KCNC1: variants seen among roughly 807,000 people sequenced by gnomAD.
KCNC1 encodes voltage-gated potassium channel KCNC1.
In KCNC1, 8 loss-of-function variants were observed where a neutral mutation model predicts 43.4. The observed-to-expected ratio is 0.18, with a 90% CI of 0.11 to 0.33. The LOEUF is 0.33. Ranked by LOEUF, KCNC1 falls within the 10% of genes least tolerant of loss-of-function variation. The probability of loss-of-function intolerance (pLI) is 1.00; values close to 1 mark genes in which losing one functional copy is unlikely to be tolerated. For missense variants in KCNC1, 420 were observed against 836.0 expected, an observed-to-expected ratio of 0.50 and a Z score of 6.14; for synonymous variants, 361 against 360.5, an observed-to-expected ratio of 1.00 and a Z score of -0.01.
Position 17,782,190 on chromosome 11 carries a change from T to C in KCNC1, c.*456T>C, listed in dbSNP as rs930762254. 1 of 154,386 alleles carries C rather than the reference T, an allele frequency of 6.5e-6. No homozygotes were observed. Among genetic ancestry groups the C allele is most frequent in the Non-Finnish European group, 1.4e-5 (1 of 70,118 alleles). The allele number at this position is 154,386 out of a possible 1,614,324, so 9.6% of individuals were successfully genotyped here. On this transcript the variant is annotated 3_prime_UTR_variant, in exon 4 of 4. Coordinates refer to ENST00000265969, the MANE Select transcript of KCNC1 (RefSeq NM_001112741.2). ...GTAGAAACCTGTACATTTCTGGGGG[T>C]GAGGGGCGAGGGGAGGAGGGACAGA...
At position 17,777,011 on chromosome 11, in the gene KCNC1, G is replaced by A. The variant is rs185385072; in HGVS notation, c.1505-2445G>A. On this transcript the variant is annotated intron_variant, in intron 2 of 3. Coordinates refer to ENST00000265969, the MANE Select transcript of KCNC1 (RefSeq NM_001112741.2). This position sits in a 1 kb window ranked among gnomAD's most constrained non-coding sequence, Gnocchi z 4.3. ...AAGCAGTAGGCCCTAGGGGTGTCCCGGGAATCCCCCAGGAGGGAAAGGTGC... is the reference window on the plus strand; with the variant it reads ...AAGCAGTAGGCCCTAGGGGTGTCCCAGGAATCCCCCAGGAGGGAAAGGTGC... 3.4e-4 allele frequency: 335 copies of A among 985,358 alleles called. No homozygotes were observed. The African/African-American group carries it at 4.5e-3, about 13-fold the overall frequency. The allele number at this position is 985,358 out of a possible 1,614,324, so 61.0% of individuals were successfully genotyped here.
chr11:17,743,159 G>A (rs1379577200), intron 1 of KCNC1, among the ~76,000 whole-genome samples: 2 of 152,114 alleles, frequency 1.3e-5, no homozygotes, highest in African/African-American at 2.4e-5. Context: ...ATACTATCAC[G>A]CCAATGACAC....
In KCNC1 at chr11:17,773,312, T is replaced by C. The variant is rs1007636698; in HGVS notation, c.1504+714T>C. 2 of 985,292 alleles carry C rather than the reference T, an allele frequency of 2.0e-6. No homozygotes were observed. Among genetic ancestry groups the C allele is most frequent in the Non-Finnish European group, 2.4e-6 (2 of 829,944 alleles). 61.0% of individuals were successfully genotyped at this position (985,292 alleles called of 1,614,324 possible). A position where few individuals can be genotyped will look rare whatever the true frequency, so the allele number is the denominator to read the frequency against. On this transcript the variant is annotated intron_variant, in intron 2 of 3. Coordinates refer to ENST00000265969, the MANE Select transcript of KCNC1 (RefSeq NM_001112741.2). The surrounding 1 kb of genome is among the most constrained non-coding windows in gnomAD (Gnocchi z 4.1). ...CTTTATCTTTAGGAACCTGTTGAAGTGACTCTAGCTTTCACGTTGTCTGTT... is the reference window on the plus strand; with the variant it reads ...CTTTATCTTTAGGAACCTGTTGAAGCGACTCTAGCTTTCACGTTGTCTGTT...
chr11:17,749,117 C>T (rs1216573472), intron 1 of KCNC1, among the ~76,000 whole-genome samples: 1 of 152,080 alleles, frequency 6.6e-6, no homozygotes, highest in Non-Finnish European at 1.5e-5. Flanking sequence ...TGCCAGGGCC[C>T]AATTCTGGGT....
chr11:17,772,493 G>A lies in KCNC1; in HGVS notation c.1399G>A (p.Gly467Arg), dbSNP rs1477026732. The change falls in exon 2 of 4, where the codon GGA (glycine) becomes AGA (arginine). Residue 467 changes from glycine to arginine, a missense_variant. Coordinates refer to ENST00000265969, the MANE Select transcript of KCNC1 (RefSeq NM_001112741.2). Reference protein sequence around the residue: ...KKHIPRPPQLGSPNYCKSVVN... With the variant: ...KKHIPRPPQLRSPNYCKSVVN... ...GCATATTCCGCGGCCACCGCAGCTG[G>A]GATCTCCCAATTATTGTAAATCTGT... 1.2e-6 allele frequency: 2 copies of A among 1,614,186 alleles called. No homozygotes were observed. Among genetic ancestry groups the A allele is most frequent in the African/African-American group, 2.7e-5 (2 of 75,056 alleles).
At chr11:17,746,712 G>T (rs1466861134) in intron 1 of KCNC1, among the ~76,000 whole-genome samples, 1 of 152,100 alleles carries the variant, frequency 6.6e-6, no homozygotes, top group Non-Finnish European at 1.5e-5. Context: ...AAGTGTATGG[G>T]CTTTGCATCT....
At chr11:17,747,877 AC>A (rs1848918751) in intron 1 of KCNC1, among the ~76,000 whole-genome samples, 3 of 151,218 alleles carry the variant, frequency 2.0e-5, no homozygotes, top group Non-Finnish European at 4.4e-5. Flanking sequence ...CACTCACCTC[AC>A]CTCTTCCTTC....
chr11:17,782,509 A>C lies in KCNC1; in HGVS notation c.*775A>C, dbSNP rs187889439. 6.6e-6 allele frequency: 1 copy of C among 152,234 alleles called. No individual in the cohort carries two copies. Among genetic ancestry groups the C allele is most frequent in the African/African-American group, 2.4e-5 (1 of 41,532 alleles). 9.4% of individuals were successfully genotyped at this position (152,234 alleles called of 1,614,324 possible). On this transcript the variant is annotated 3_prime_UTR_variant, in exon 4 of 4. Transcript: ENST00000265969. ...TCCAGTGTGACCAACTTTCATAACA[A>C]ATTGTTCATAGTAAATAATCACCAC... is the stretch of plus-strand genomic sequence containing the variant.
intron 1 of KCNC1, among the ~76,000 whole-genome samples, chr11:17,764,126 C>A (rs1849118022): frequency 7.1e-6 from 1 of 141,092 alleles, no homozygotes; most frequent in African/African-American, 2.7e-5. Flanking sequence ...TCTCCATAGA[C>A]ACACACACAC....
intron 1 of KCNC1, among the ~76,000 whole-genome samples, chr11:17,760,873 A>G (rs1173270327): frequency 6.6e-6 from 1 of 152,210 alleles, no homozygotes; most frequent in Non-Finnish European, 1.5e-5. Flanking sequence ...CGAGGTTTAA[A>G]CGGGACAGTG....
chr11:17,764,554 G>A (rs1039550666), intron 1 of KCNC1, among the ~76,000 whole-genome samples: 8 of 152,092 alleles, frequency 5.3e-5, no homozygotes, highest in African/African-American at 1.7e-4. Flanking sequence ...ACTTCCCCAA[G>A]CAGGCTGCCA....
At chr11:17,741,292 T>C (rs1375446566) in intron 1 of KCNC1, among the ~76,000 whole-genome samples, 4 of 136,776 alleles carry the variant, frequency 2.9e-5, no homozygotes, top group African/African-American at 1.1e-4. Context: ...CCTTCACCGC[T>C]AAATGGGAAT....
chr11:17,774,542 T>A, intron 2 of KCNC1: 2 of 985,616 alleles, frequency 2.0e-6, no homozygotes, highest in Non-Finnish European at 2.4e-6. Context: ...AGTGCAGATG[T>A]GTTTGTTCAG....
chr11:17,753,068 T>A (rs1232632893), intron 1 of KCNC1, among the ~76,000 whole-genome samples: 2 of 152,232 alleles, frequency 1.3e-5, no homozygotes. Flanking sequence ...GAATTCACCC[T>A]CCGTTGACTT....
intron 1 of KCNC1, among the ~76,000 whole-genome samples, chr11:17,756,729 T>C (rs1181610269): frequency 6.6e-6 from 1 of 152,168 alleles, no homozygotes; most frequent in Non-Finnish European, 1.5e-5. Context: ...GTCCTGCTGA[T>C]GGCCCAGTTG....
At chr11:17,751,364 G>A (rs1848966934) in intron 1 of KCNC1, among the ~76,000 whole-genome samples, 1 of 152,228 alleles carries the variant, frequency 6.6e-6, no homozygotes, top group Admixed American at 6.5e-5. Flanking sequence ...TGGATTGAAG[G>A]AGACACAGCT....
intron 1 of KCNC1, among the ~76,000 whole-genome samples, chr11:17,740,599 T>C (rs1848827392): frequency 6.6e-6 from 1 of 152,168 alleles, no homozygotes; most frequent in Admixed American, 6.5e-5. Flanking sequence ...TTGCGTCCCA[T>C]CAGGGCCAAT....
intron 1 of KCNC1, among the ~76,000 whole-genome samples, chr11:17,737,906 T>C (rs115256492): frequency 0.044 from 6,649 of 150,028 alleles, 490 homozygotes; most frequent in African/African-American, 0.16. Context: ...GGGAGGAGAC[T>C]TGGGGGGACC....
At chr11:17,778,038 C>T (rs948257205) in intron 2 of KCNC1, among the ~76,000 whole-genome samples, 24 of 152,170 alleles carry the variant, frequency 1.6e-4, no homozygotes, top group African/African-American at 5.3e-4. Context: ...CTGACGTGGT[C>T]GTGCCCAAGT....
Sources: gnomAD v4.1 joint callset for allele counts (sites outside exome capture counted in the v4.1 genomes callset) on GRCh38, gnomAD v4.1.1 for gene constraint, Gnocchi (gnomAD v3.1) non-coding constraint, MANE v1.5 for transcripts, NCBI Gene and HGNC (gene_info 2026-07-23, HGNC 2026-07-21) for gene names.